The following AMPD3 variants were observed in gnomAD, a reference collection of about 807,000 sequenced individuals.
AMPD3 encodes the protein AMP deaminase 3.
AMPD3 carries 57 observed loss-of-function variants against 82.3 expected under a neutral mutation model. The ratio of observed to expected loss-of-function variants is 0.69; its 90% confidence interval spans 0.56 to 0.86. The LOEUF (loss-of-function observed/expected upper bound fraction) is 0.86, where lower values mean the gene tolerates loss of function less well. Ranked by LOEUF, AMPD3 falls within the 40% of genes least tolerant of loss-of-function variation. The pLI is 0.00. For missense variants in AMPD3, 870 were observed against 1,003.8 expected (o/e 0.87, Z 1.80); for synonymous variants, 381 against 394.7 (o/e 0.97, Z 0.41).
intron 6 of AMPD3, chr11:10,488,133 A>G (rs908747662): frequency 9.6e-5 from 80 of 832,344 alleles, no homozygotes; most frequent in Middle Eastern, 6.1e-4. Context: ...CACCAAGGGG[A>G]TGGCAGCCTT....
chr11:10,453,279 A>AAT (rs1848006227), upstream of AMPD3, among the ~76,000 whole-genome samples: 1 of 152,106 alleles, frequency 6.6e-6, no homozygotes, highest in Non-Finnish European at 1.5e-5. Flanking sequence ...CATACACTCT[A>AAT]CTCATTCCTG....
At chr11:10,486,100 G>A (rs1026770961) in intron 5 of AMPD3, among the ~76,000 whole-genome samples, 1 of 152,168 alleles carries the variant, frequency 6.6e-6, no homozygotes, top group African/African-American at 2.4e-5. Context: ...GGGCAGGGGC[G>A]GTTCCTCAGA....
At chr11:10,493,926 A>G (rs1291201053) in intron 7 of AMPD3, among the ~76,000 whole-genome samples, 1 of 152,256 alleles carries the variant, frequency 6.6e-6, no homozygotes, top group East Asian at 1.9e-4. Context: ...ACAGTATGGT[A>G]GTTCCTAAAA....
intron 2 of AMPD3, chr11:10,478,149 A>G (rs1806446900): frequency 4.1e-6 from 4 of 985,340 alleles, no homozygotes; most frequent in Non-Finnish European, 4.8e-6. Context: ...TGCTGTCCAC[A>G]CTGTGGGGAA....
chr11:10,459,219 G>T (rs1445747731), intron 1 of AMPD3, among the ~76,000 whole-genome samples: 1 of 152,122 alleles, frequency 6.6e-6, no homozygotes, highest in African/African-American at 2.4e-5. Flanking sequence ...TCATCAGGGA[G>T]TGGCAGGTCC....
chr11:10,454,815 C>A (rs1848046729), upstream of AMPD3, among the ~76,000 whole-genome samples: 2 of 152,136 alleles, frequency 1.3e-5, no homozygotes, highest in Admixed American at 1.3e-4. Context: ...CAGAATAGTA[C>A]TAAGGGCTTG....
At chr11:10,481,563 C>G (rs1848906314) in intron 3 of AMPD3, 6 of 901,720 alleles carry the variant, frequency 6.7e-6, no homozygotes, top group Middle Eastern at 5.6e-4. Flanking sequence ...ACCAGGAGGA[C>G]TCACAGGACT....
chr11:10,482,356 C>T (rs1848936458), intron 4 of AMPD3, 131 bp downstream of exon 4: 7 of 1,059,406 alleles, frequency 6.6e-6, no homozygotes, highest in Non-Finnish European at 9.4e-6. Flanking sequence ...TGGCTTCTCC[C>T]ACACTGATGT....
chr11:10,473,340 T>C (rs761516536), intron 2 of AMPD3: 84 of 944,814 alleles, frequency 8.9e-5, no homozygotes, highest in Non-Finnish European at 1.0e-4. Flanking sequence ...ATAGTACAGA[T>C]TGCACTTCAT....
intron 11 of AMPD3, chr11:10,500,961 AT>A: frequency 1.0e-6 from 1 of 985,314 alleles, no homozygotes; most frequent in Non-Finnish European, 1.2e-6. Flanking sequence ...GAGGTTTCGA[AT>A]GGGGTCCTGA....
intron 1 of AMPD3, chr11:10,461,187 C>T: frequency 8.1e-7 from 1 of 1,230,978 alleles, no homozygotes; most frequent in Non-Finnish European, 1.0e-6. Flanking sequence ...CCTTCTCAAA[C>T]ATGGGAACAA....
intron 2 of AMPD3, among the ~76,000 whole-genome samples, chr11:10,476,231 A>G (rs1392261425): frequency 6.6e-6 from 1 of 152,156 alleles, no homozygotes; most frequent in Admixed American, 6.5e-5. Flanking sequence ...TCTGTGGTTA[A>G]ACCTATCCCT....
At position 10,499,552 on chromosome 11, in the gene AMPD3, G is replaced by T. The variant is rs1162849848; in HGVS notation, c.1558-534G>T. ...CTTGAGCAACTTTCTTAATTGCTTT[G>T]GCCCTGGTTTGCTCAATTGTAAAAT... On this transcript the variant is annotated intron_variant, in intron 10 of 14. Coordinates refer to ENST00000396553, the MANE Select transcript of AMPD3 (RefSeq NM_001025389.2). 1.8e-5 allele frequency: 10 copies of T among 553,404 alleles called. 1 individual carries two copies. The South Asian group carries it at 4.7e-4, about 26-fold the overall frequency. 34.3% of individuals were successfully genotyped at this position (553,404 alleles called of 1,614,324 possible).
At chr11:10,469,253 AC>A (rs1255151542) in intron 2 of AMPD3, among the ~76,000 whole-genome samples, 5 of 152,128 alleles carry the variant, frequency 3.3e-5, no homozygotes, top group African/African-American at 1.2e-4. Context: ...TGCTAGCAAG[AC>A]TAACAAAGAG....
rs374236854 is a variant in AMPD3, at chr11:10,507,391, T to C, written c.*1507T>C. 2.0e-5 allele frequency: 3 copies of C among 152,222 alleles called. No individual in the cohort carries two copies. The highest frequency in any genetic ancestry group is 1.9e-4 in the East Asian group (1 of 5,194). 9.4% of individuals were successfully genotyped at this position (152,222 alleles called of 1,614,324 possible). A position where few individuals can be genotyped will look rare whatever the true frequency, so the allele number is the denominator to read the frequency against. On this transcript the variant is annotated 3_prime_UTR_variant, in exon 15 of 15. Coordinates refer to ENST00000396553, the MANE Select transcript of AMPD3 (RefSeq NM_001025389.2). ...ATGCAGTCTTTTTACTAGGCAGATA[T>C]ATATGCTATCTTACAGCTAATTATG... is the stretch of plus-strand genomic sequence containing the variant.
At chr11:10,450,762 C>G, upstream of AMPD3, 4 of 1,155,838 alleles carry the variant, frequency 3.5e-6, no homozygotes, top group South Asian at 8.6e-5. Flanking sequence ...GCTCCGCGCC[C>G]AGGTAGGGCA....
chr11:10,467,220 G>A lies in AMPD3; in HGVS notation c.221+5480G>A, dbSNP rs150722780. On this transcript the variant is annotated intron_variant, in intron 2 of 14. Coordinates refer to ENST00000396553, the MANE Select transcript of AMPD3 (RefSeq NM_001025389.2). The stretch of plus-strand genomic sequence containing the variant: ...AAGGTGGGTAATAACAAACGCCTCT[G>A]AGCTAAAGGAACATGTTCTAACCCA... Among the ~76,000 whole-genome samples the A allele has an allele frequency of 2.3e-3, 357 of 152,282 alleles. 1 individual carries two copies. The highest frequency in any genetic ancestry group is 8.2e-3 in the African/African-American group (340 of 41,576).
At chr11:10,476,322 G>A (rs1848734013) in intron 2 of AMPD3, among the ~76,000 whole-genome samples, 1 of 152,170 alleles carries the variant, frequency 6.6e-6, no homozygotes, top group Admixed American at 6.5e-5. Flanking sequence ...CAAGGTTGTC[G>A]CCATAATGGA....
At chr11:10,473,651 C>G (rs1848656167) in intron 2 of AMPD3, 1 of 947,042 alleles carries the variant, frequency 1.1e-6, no homozygotes, top group African/African-American at 1.8e-5. Flanking sequence ...CGCCCCTGCT[C>G]TCTCTGTAGG....
Sources: allele counts gnomAD v4.1 joint callset (sites outside exome capture counted in the v4.1 genomes callset), GRCh38; gene constraint gnomAD v4.1.1; transcripts MANE v1.5; gene names NCBI Gene and HGNC (gene_info 2026-07-23, HGNC 2026-07-21).